Variants in FBF1 observed in about 807,000 individuals in gnomAD.
FBF1 encodes the protein fas-binding factor 1.
A neutral mutation model predicts 147.2 loss-of-function variants in FBF1; 119 were observed. That is an observed-to-expected ratio of 0.81 (90% CI 0.70 to 0.94). FBF1 has a LOEUF of 0.94. Ranked by LOEUF, FBF1 falls within the 40% of genes least tolerant of loss-of-function variation. FBF1 has a pLI of 0.00. For synonymous variants in FBF1, 601 were observed against 609.0 expected (o/e 0.99, Z 0.19); for missense variants, 1,449 against 1,500.8 (o/e 0.97, Z 0.57).
intron 5 of FBF1, 67 bp downstream of exon 5, chr17:75,932,928 G>A: frequency 9.4e-7 from 1 of 1,067,816 alleles, no homozygotes; most frequent in Non-Finnish European, 1.3e-6. Context: ...AGAAAGTGGG[G>A]GGTGGAGGGG....
intron 5 of FBF1, among the ~76,000 whole-genome samples, chr17:75,932,538 G>C (rs2065600400): frequency 6.6e-6 from 1 of 152,152 alleles, no homozygotes; most frequent in Non-Finnish European, 1.5e-5. Context: ...CTTCAGCCCA[G>C]GAGTTCAAGA....
At chr17:75,935,299 G>C (rs952770855) in intron 4 of FBF1, among the ~76,000 whole-genome samples, 2 of 151,928 alleles carry the variant, frequency 1.3e-5, no homozygotes, top group African/African-American at 4.8e-5. Context: ...CAAGTAGGTG[G>C]GATTACAGGC....
At position 75,913,927 on chromosome 17, in the gene FBF1, G is replaced by T; in HGVS notation, c.3115C>A (p.Gln1039Lys). The change falls in exon 27 of 30, where the codon CAG becomes AAG. Residue 1039 changes from glutamine (Q) to lysine (K), a missense_variant. By Grantham distance (53) the Gln-to-Lys change is moderately conservative. Coordinates refer to ENST00000636174, the MANE Select transcript of FBF1 (RefSeq NM_001319193.2). The stretch of plus-strand genomic sequence containing the variant: ...GGGAGCCTTGCCTGGTGCATGTGCT[G>T]CTCCTGCTTCCGCAGCCGCTCCTGC... ...QQQERLRKQE[Q>K]HMHQEHLSLA... 1 of 1,546,164 alleles carries T rather than the reference G, an allele frequency of 6.5e-7. No individual in the cohort carries two copies. Among genetic ancestry groups the T allele is most frequent in the Non-Finnish European group, 8.7e-7 (1 of 1,150,922 alleles).
chr17:75,920,392 G>A lies in FBF1; in HGVS notation c.1712C>T (p.Pro571Leu), dbSNP rs771724847. 5.6e-6 allele frequency: 9 copies of A among 1,606,762 alleles called. No individual in the cohort carries two copies. The highest frequency in any genetic ancestry group is 4.0e-5 in the African/African-American group (3 of 74,824). The change falls in exon 18 of 30, where the codon CCG becomes CTG. Residue 571 changes from proline to leucine, a missense_variant. Pro to Leu is a moderately conservative substitution (Grantham distance 98). Coordinates refer to ENST00000636174, the MANE Select transcript of FBF1 (RefSeq NM_001319193.2). ...LPESLARSLLPSTEYQKQLLA... is the reference protein window; with the variant it reads ...LPESLARSLLLSTEYQKQLLA... ...GAGCTGCTTCTGGTATTCTGTGCTC[G>A]GCAGCAGGCTCCGGGCCAGGGACTC...
Position 75,919,780 on chromosome 17 carries a change from A to G in FBF1, c.2026T>C (p.Cys676Arg). The G allele has an allele frequency of 6.2e-7, 1 of 1,613,618 alleles. No homozygotes were observed. Among genetic ancestry groups the G allele is most frequent in the Non-Finnish European group, 8.5e-7 (1 of 1,179,846 alleles). The change falls in exon 20 of 30, where the codon TGC becomes CGC. Residue 676 changes from cysteine (C) to arginine (R), a missense_variant. Cys to Arg is a radical substitution (Grantham distance 180). Coordinates refer to ENST00000636174, the MANE Select transcript of FBF1 (RefSeq NM_001319193.2). This position sits in a 1 kb window ranked among gnomAD's most constrained non-coding sequence, Gnocchi z 5.0. The part of the protein sequence containing the change: ...EELSARYLSQ[C>R]QEAEQARAEL... Reference sequence around the variant, plus strand: ...GCACGGGCCTGTTCGGCCTCCTGGCACTGCGACAGATACCGAGCTGACAGC... The same window carrying G: ...GCACGGGCCTGTTCGGCCTCCTGGCGCTGCGACAGATACCGAGCTGACAGC...
chr17:75,910,863 C>T lies in FBF1; in HGVS notation c.3364-57G>A. ...TCCCTGAGCTGAGAGGGAGGTGGAGCCCTGGATGCTAGCTGAGCCAGCCGT... is the reference window on the plus strand; with the variant it reads ...TCCCTGAGCTGAGAGGGAGGTGGAGTCCTGGATGCTAGCTGAGCCAGCCGT... On this transcript the variant is annotated intron_variant, in intron 29 of 29. Coordinates refer to ENST00000636174, the MANE Select transcript of FBF1 (RefSeq NM_001319193.2). This position sits in a 1 kb window ranked among gnomAD's most constrained non-coding sequence, Gnocchi z 4.1. 1 of 1,455,772 alleles carries T rather than the reference C, an allele frequency of 6.9e-7. No individual in the cohort carries two copies. The highest frequency in any genetic ancestry group is 9.4e-7 in the Non-Finnish European group (1 of 1,058,636). The allele number at this position is 1,455,772 out of a possible 1,614,324, so 90.2% of individuals were successfully genotyped here. A position where few individuals can be genotyped will look rare whatever the true frequency, so the allele number is the denominator to read the frequency against.
intron 4 of FBF1, among the ~76,000 whole-genome samples, chr17:75,934,179 C>T (rs1312016378): frequency 6.6e-6 from 1 of 152,202 alleles, no homozygotes; most frequent in East Asian, 1.9e-4. Flanking sequence ...TGTGATTTAT[C>T]TACACAATGG....
chr17:75,937,903 CCT>C (rs1444811334), intron 2 of FBF1: 23 of 631,346 alleles, frequency 3.6e-5, no homozygotes, highest in Non-Finnish European at 5.3e-5. Context: ...ATTCCGTGCC[CCT>C]GACTCCTCAA....
chr17:75,910,317 C>T lies in FBF1; in HGVS notation c.*406G>A, dbSNP rs1422230329. ...GAGTAGGGAAGGCTGTTTGTGGCAT[C>T]CCTCAAGAAAGCTCCTGCCTCAGAA... On this transcript the variant is annotated 3_prime_UTR_variant, in exon 30 of 30. Coordinates refer to ENST00000636174, the MANE Select transcript of FBF1 (RefSeq NM_001319193.2). This position sits in a 1 kb window ranked among gnomAD's most constrained non-coding sequence, Gnocchi z 4.1. 3.2e-6 allele frequency: 1 copy of T among 316,096 alleles called. No homozygotes were observed. The highest frequency in any genetic ancestry group is 4.2e-5 in the Admixed American group (1 of 23,738). 19.6% of individuals were successfully genotyped at this position (316,096 alleles called of 1,614,324 possible). A position where few individuals can be genotyped will look rare whatever the true frequency, so the allele number is the denominator to read the frequency against.
chr17:75,926,184 C>T, intron 11 of FBF1, 21 bp from the exon 12 acceptor site: 1 of 1,605,504 alleles, frequency 6.2e-7, no homozygotes, highest in Non-Finnish European at 8.5e-7. Flanking sequence ...GGACACACGG[C>T]AGGAACGTGT....
rs1296295018 is a variant in FBF1 at position 75,928,522 on chromosome 17, C to T, written c.280-329G>A. On this transcript the variant is annotated intron_variant, in intron 7 of 29. Coordinates refer to ENST00000636174, the MANE Select transcript of FBF1 (RefSeq NM_001319193.2). This position sits in a 1 kb window ranked among gnomAD's most constrained non-coding sequence, Gnocchi z 4.2. ...GCTTTCTTTTTTTTCTTTTTTTAGACAGGATATTGGCCGGGCGCGGTGGCT... is the reference window on the plus strand; with the variant it reads ...GCTTTCTTTTTTTTCTTTTTTTAGATAGGATATTGGCCGGGCGCGGTGGCT... Among the ~76,000 whole-genome samples the T allele has an allele frequency of 1.3e-5, 2 of 151,802 alleles. No individual in the cohort carries two copies. The highest frequency in any genetic ancestry group is 4.8e-5 in the African/African-American group (2 of 41,302).
chr17:75,923,593 G>C lies in FBF1; in HGVS notation c.1017C>G (p.Ser339=). ...SGADPKGEPG[S]KQSPPMASSP... The stretch of plus-strand genomic sequence containing the variant: ...TGGAAGCCATTGGAGGGCTCTGTTT[G>C]GAGCCTGGTTCTCCCTTGGGGTCTG... The change falls in exon 14 of 30, where the codon TCC becomes TCG. Residue 339 remains serine (S), a synonymous_variant. Coordinates refer to ENST00000636174, the MANE Select transcript of FBF1 (RefSeq NM_001319193.2). This position sits in a 1 kb window ranked among gnomAD's most constrained non-coding sequence, Gnocchi z 4.1. The C allele has an allele frequency of 6.2e-7, 1 of 1,610,634 alleles. No individual in the cohort carries two copies. The highest frequency in any genetic ancestry group is 1.1e-5 in the South Asian group (1 of 90,308).
In FBF1 at chr17:75,920,153, G is replaced by A. The variant is rs763173534; in HGVS notation, c.1831-46C>T. ...CAGCAACCAGGGAGGGGAGGTGGCT[G>A]TACTCCACGCTGCCCTGTGCCAACA... On this transcript the variant is annotated intron_variant, in intron 18 of 29. Coordinates refer to ENST00000636174, the MANE Select transcript of FBF1 (RefSeq NM_001319193.2). The A allele has an allele frequency of 6.9e-6, 11 of 1,583,628 alleles. No individual in the cohort carries two copies. The Admixed American group carries it at 9.0e-5, about 13-fold the overall frequency.
rs1746203148 is a variant in FBF1 at position 75,918,320 on chromosome 17, A to T, written c.2139-51T>A. Reference sequence around the variant, plus strand: ...GGTCACTCTGAGCTGGATCACCCTGATGCGGTAACTCCTTGTGGAAGGGTG... The same window carrying T: ...GGTCACTCTGAGCTGGATCACCCTGTTGCGGTAACTCCTTGTGGAAGGGTG... On this transcript the variant is annotated intron_variant, in intron 20 of 29. Transcript: ENST00000636174. This position sits in a 1 kb window ranked among gnomAD's most constrained non-coding sequence, Gnocchi z 5.8. The T allele has an allele frequency of 1.4e-6, 2 of 1,475,650 alleles. No individual in the cohort carries two copies. The highest frequency in any genetic ancestry group is 3.7e-5 in the Admixed American group (2 of 54,636). The allele number at this position is 1,475,650 out of a possible 1,614,324, so 91.4% of individuals were successfully genotyped here.
rs955396056 is a variant in FBF1 at position 75,928,882 on chromosome 17, G to C, written c.280-689C>G. The stretch of plus-strand genomic sequence containing the variant: ...ACTCTGTCACCCAGGCTGGAGTGAA[G>C]TGGTGCGATCATAGCTCATTGCAGC... On this transcript the variant is annotated intron_variant, in intron 7 of 29. Coordinates refer to ENST00000636174, the MANE Select transcript of FBF1 (RefSeq NM_001319193.2). This position sits in a 1 kb window ranked among gnomAD's most constrained non-coding sequence, Gnocchi z 4.2. Among the ~76,000 whole-genome samples the C allele has an allele frequency of 1.7e-4, 26 of 152,262 alleles. No homozygotes were observed. The highest frequency in any genetic ancestry group is 6.3e-4 in the African/African-American group (26 of 41,554).
rs527698383 is a variant in FBF1, at chr17:75,932,903, G to A, written c.167+92C>T. The A allele has an allele frequency of 3.4e-4, 243 of 723,214 alleles. 2 individuals are homozygous for A. The South Asian group carries it at 6.1e-3, about 18-fold the overall frequency. The allele number at this position is 723,214 out of a possible 1,614,324, so 44.8% of individuals were successfully genotyped here. ...TAAAAAAAAAAAAAAAAAAAATGGC[G>A]AGCAAATGTGAAGTAGAAAGTGGGG... On this transcript the variant is annotated intron_variant, in intron 5 of 29. Transcript: ENST00000636174.
At chr17:75,929,777 TG>T (rs2065582972) in intron 7 of FBF1, among the ~76,000 whole-genome samples, 1 of 152,092 alleles carries the variant, frequency 6.6e-6, no homozygotes, top group African/African-American at 2.4e-5. Context: ...CAGAGGCCTG[TG>T]GCACTCTCCA....
chr17:75,913,310 G>T (rs1199005175), intron 28 of FBF1, among the ~76,000 whole-genome samples: 1 of 151,572 alleles, frequency 6.6e-6, no homozygotes, highest in Admixed American at 6.6e-5. Context: ...CACCACACCC[G>T]GCTAATTTTG....
intron 1 of FBF1, among the ~76,000 whole-genome samples, chr17:75,939,306 A>C (rs928271424): frequency 2.0e-5 from 3 of 149,516 alleles, no homozygotes; most frequent in Non-Finnish European, 4.4e-5. Flanking sequence ...AAAAAAAAAA[A>C]AAAAAAAAAA....
Sources: allele counts gnomAD v4.1 joint callset (sites outside exome capture counted in the v4.1 genomes callset), GRCh38; gene constraint gnomAD v4.1.1; non-coding constraint Gnocchi (gnomAD v3.1); transcripts MANE v1.5; gene names NCBI Gene and HGNC (gene_info 2026-07-23, HGNC 2026-07-21).